BMPER: variants seen among roughly 807,000 people sequenced by gnomAD.
BMPER encodes the protein BMP binding endothelial regulator, also known as BMP-binding endothelial regulator protein.
In BMPER, 45 loss-of-function variants were observed where a neutral mutation model predicts 87.3. The ratio of observed to expected loss-of-function variants is 0.52; its 90% CI spans 0.41 to 0.66. BMPER has a LOEUF of 0.66. BMPER is among the 30% of genes least tolerant of loss of function. The probability of loss-of-function intolerance (pLI) is 0.00; values close to 1 mark genes in which losing one functional copy is unlikely to be tolerated. For missense variants in BMPER, 784 were observed against 867.5 expected, an observed-to-expected ratio of 0.90 and a Z score of 1.21; for synonymous variants, 326 against 316.2, an observed-to-expected ratio of 1.03 and a Z score of -0.33.
At chr7:34,048,573 T>C in intron 7 of BMPER, among the ~76,000 whole-genome samples, 1 of 152,114 alleles carries the variant, frequency 6.6e-6, no homozygotes, top group East Asian at 1.9e-4. Flanking sequence ...AGGAAAGCCA[T>C]TGCAAAGGAG....
At chr7:34,107,055 G>A (rs1256622376) in intron 13 of BMPER, among the ~76,000 whole-genome samples, 1 of 152,136 alleles carries the variant, frequency 6.6e-6, no homozygotes, top group Non-Finnish European at 1.5e-5. Flanking sequence ...CTAGCTTCTT[G>A]TGTGGTCTTT....
At chr7:33,927,683 C>G (rs892680895) in intron 2 of BMPER, among the ~76,000 whole-genome samples, 1 of 152,038 alleles carries the variant, frequency 6.6e-6, no homozygotes, top group Admixed American at 6.5e-5. Flanking sequence ...CTCTTTACCC[C>G]CACTCCCCAC....
At chr7:34,023,205 G>T (rs1787244602) in intron 6 of BMPER, among the ~76,000 whole-genome samples, 1 of 152,018 alleles carries the variant, frequency 6.6e-6, no homozygotes, top group South Asian at 2.1e-4. Flanking sequence ...CTCATAGCAG[G>T]ATCCACTGCT....
In BMPER at chr7:33,935,574, AAAAG is replaced by A. The variant is rs1784582955; in HGVS notation, c.220-1709_220-1706del. ...GCACTTACCATATAACAGATCCCAA[AAAAG>A]AAAGAGAGAAAGAGACAGAGAGAGA... On this transcript the variant is annotated intron_variant, in intron 2 of 14. Coordinates refer to ENST00000649409, the MANE Select transcript of BMPER (RefSeq NM_001365308.1). 4.0e-5 allele frequency among the ~76,000 whole-genome samples: 6 copies of A among 149,648 alleles called. No homozygotes were observed. In the South Asian group the frequency reaches 1.1e-3, roughly 27 times the overall value.
chr7:34,056,886 G>A (rs931621941), intron 9 of BMPER, among the ~76,000 whole-genome samples: 1 of 152,316 alleles, frequency 6.6e-6, no homozygotes, highest in Non-Finnish European at 1.5e-5. Context: ...AAAGTGCTGG[G>A]ATTACAGGCG....
At chr7:33,920,487 G>A (rs1417304151) in intron 2 of BMPER, among the ~76,000 whole-genome samples, 1 of 143,294 alleles carries the variant, frequency 7.0e-6, no homozygotes, top group Non-Finnish European at 1.5e-5. Flanking sequence ...GTACAGTGGT[G>A]CGATCTCGGC....
intron 6 of BMPER, among the ~76,000 whole-genome samples, chr7:34,018,204 C>T (rs1787085374): frequency 6.6e-6 from 1 of 151,876 alleles, no homozygotes; most frequent in Non-Finnish European, 1.5e-5. Context: ...GGTTTGAAGG[C>T]TCTAATTATG....
At chr7:34,032,279 C>A (rs920971472) in intron 6 of BMPER, among the ~76,000 whole-genome samples, 1 of 151,946 alleles carries the variant, frequency 6.6e-6, no homozygotes, top group Non-Finnish European at 1.5e-5. Flanking sequence ...TTCCAGCTTT[C>A]CTCCTTGATT....
intron 1 of BMPER, among the ~76,000 whole-genome samples, chr7:33,905,957 G>A (rs1783804116): frequency 6.6e-6 from 1 of 152,182 alleles, no homozygotes; most frequent in African/African-American, 2.4e-5. Flanking sequence ...CTTCAATGTA[G>A]TAATAATAGA....
At chr7:33,917,885 G>T (rs1784125120) in intron 2 of BMPER, among the ~76,000 whole-genome samples, 1 of 152,202 alleles carries the variant, frequency 6.6e-6, no homozygotes, top group African/African-American at 2.4e-5. Context: ...TTGGCTGTGG[G>T]TGACCTCAGA....
intron 13 of BMPER, among the ~76,000 whole-genome samples, chr7:34,108,290 C>A (rs1250151280): frequency 2.0e-5 from 3 of 152,126 alleles, no homozygotes; most frequent in African/African-American, 7.2e-5. Context: ...GTGAAATGAA[C>A]CTGGCTCTGT....
In BMPER at chr7:34,085,931, G is replaced by A; in HGVS notation, c.1584G>A (p.Val528=). ...ATGACTTTGCTGAATCTTGGAGGGT[G>A]GAGTCCAATGAGTTCTGCAACAGAC... ...DVDDFAESWR[V]ESNEFCNRPQ... is the part of the protein sequence containing the mutation. Residue 528 remains valine, a synonymous_variant, in exon 13 of 15, where the codon GTG becomes GTA. Transcript: ENST00000649409. The A allele has an allele frequency of 6.2e-7, 1 of 1,614,140 alleles. No homozygotes were observed. Among genetic ancestry groups the A allele is most frequent in the Non-Finnish European group, 8.5e-7 (1 of 1,180,022 alleles).
rs535942761 is a variant in BMPER at position 34,087,620 on chromosome 7, A to G, written c.1745+1528A>G. Among the ~76,000 whole-genome samples, 11 of 152,348 alleles carry G rather than the reference A, an allele frequency of 7.2e-5. No individual in the cohort carries two copies. In the East Asian group the frequency reaches 1.5e-3, roughly 21 times the overall value. ...CATGTGCTTAACACAATGCCTGCAC[A>G]TAGTCAGCGCTCTATAATTGTTGCC... On this transcript the variant is annotated intron_variant, in intron 13 of 14. Coordinates refer to ENST00000649409, the MANE Select transcript of BMPER (RefSeq NM_001365308.1).
chr7:34,009,399 A>G (rs1786819848), intron 6 of BMPER, among the ~76,000 whole-genome samples: 1 of 151,860 alleles, frequency 6.6e-6, no homozygotes, highest in Admixed American at 6.6e-5. Flanking sequence ...AGGGTGCTCT[A>G]TTAGTGGAAG....
chr7:34,026,436 T>C (rs1026938735), intron 6 of BMPER, among the ~76,000 whole-genome samples: 1 of 152,100 alleles, frequency 6.6e-6, no homozygotes, highest in Non-Finnish European at 1.5e-5. Context: ...CATGCAGTTT[T>C]CTTCAGATCA....
At chr7:34,133,658 G>A (rs1790649418) in intron 13 of BMPER, among the ~76,000 whole-genome samples, 1 of 152,170 alleles carries the variant, frequency 6.6e-6, no homozygotes, top group Admixed American at 6.5e-5. Context: ...ACCTGGGACT[G>A]TGATTGATAT....
intron 13 of BMPER, among the ~76,000 whole-genome samples, chr7:34,141,957 C>T (rs1790886216): frequency 6.6e-6 from 1 of 152,148 alleles, no homozygotes; most frequent in African/African-American, 2.4e-5. Context: ...ATCAGTTGTG[C>T]ACAGGTCCCA....
intron 6 of BMPER, among the ~76,000 whole-genome samples, chr7:34,013,514 C>T (rs149163746): frequency 1.7e-4 from 26 of 151,874 alleles, no homozygotes; most frequent in African/African-American, 5.5e-4. Flanking sequence ...AAAAATAGCT[C>T]TCTTGAAATA....
In BMPER at chr7:34,046,368, T is replaced by C. The variant is rs923420921; in HGVS notation, c.639T>C (p.Ser213=). The change falls in exon 7 of 15, where the codon AGT becomes AGC. Residue 213 remains serine (S), a synonymous_variant. Coordinates refer to ENST00000649409, the MANE Select transcript of BMPER (RefSeq NM_001365308.1). ...CPILSCPQHL[S]HIPPGQCCPK... ...TTCTCTCCTGTCCCCAGCACCTTAG[T>C]CACATACCCCCAGGACAGTGCTGCC... 1.9e-6 allele frequency: 3 copies of C among 1,614,104 alleles called. No homozygotes were observed. The highest frequency in any genetic ancestry group is 4.5e-5 in the East Asian group (2 of 44,870).
Sources: gnomAD v4.1 joint callset for allele counts (sites outside exome capture counted in the v4.1 genomes callset) on GRCh38, gnomAD v4.1.1 for gene constraint, MANE v1.5 for transcripts, NCBI Gene and HGNC (gene_info 2026-07-23, HGNC 2026-07-21) for gene names.